The following KCNE2 variants were observed in gnomAD, a reference collection of about 807,000 sequenced individuals.
KCNE2 encodes the protein potassium voltage-gated channel subfamily E member 2.
A neutral mutation model predicts 4.5 loss-of-function variants in KCNE2; 4 were observed. The observed-to-expected ratio is 0.89, with a 90% CI of 0.44 to 2.03. The LOEUF is 2.03. Ranked by LOEUF, KCNE2 falls within the 30% of genes most tolerant of loss-of-function variation. The probability of loss-of-function intolerance (pLI) is 0.03; values close to 1 mark genes in which losing one functional copy is unlikely to be tolerated. For synonymous variants in KCNE2, 57 were observed against 55.9 expected (o/e 1.02, Z -0.09); for missense variants, 137 against 151.4 (o/e 0.90, Z 0.50).
intron 1 of KCNE2, among the ~76,000 whole-genome samples, chr21:34,370,151 T>A (rs1174282946): frequency 6.6e-6 from 1 of 152,270 alleles, no homozygotes; most frequent in African/African-American, 2.4e-5. Flanking sequence ...CTGATCTATG[T>A]ACTTCTAATA....
Position 34,368,228 on chromosome 21 carries a change from CAA to C in KCNE2, c.-12-2238_-12-2237del, listed in dbSNP as rs1491565388. On this transcript the variant is annotated intron_variant, in intron 1 of 1. Coordinates refer to ENST00000290310, the MANE Select transcript of KCNE2 (RefSeq NM_172201.2). ...ACACACACACACACACACACACACACAATATATATATATATATATATATATAT... is the reference window on the plus strand; with the variant it reads ...ACACACACACACACACACACACACACTATATATATATATATATATATATAT... 4.9e-3 allele frequency among the ~76,000 whole-genome samples: 250 copies of C among 51,148 alleles called. 2 individuals are homozygous for C. Among genetic ancestry groups the C allele is most frequent in the South Asian group, 0.039 (46 of 1,190 alleles). The allele number at this position is 51,148 out of a possible 152,430, so 33.6% of individuals were successfully genotyped here.
intron 1 of KCNE2, among the ~76,000 whole-genome samples, chr21:34,367,531 G>A (rs895958471): frequency 6.6e-6 from 1 of 152,122 alleles, no homozygotes; most frequent in African/African-American, 2.4e-5. Context: ...GGCCAGGAGA[G>A]GGAGACAAAG....
intron 1 of KCNE2, among the ~76,000 whole-genome samples, chr21:34,365,154 G>A (rs1283280944): frequency 1.3e-5 from 2 of 152,142 alleles, no homozygotes; most frequent in Admixed American, 1.3e-4. Context: ...AGCCCTCTAG[G>A]CTATAGTTAT....
rs1043992639 is a variant in KCNE2 at position 34,367,976 on chromosome 21, C to T, written c.-12-2491C>T. ...TCCATACCTGTTGCAACTCTTTGCA[C>T]GTTGCATTGTCATTGATTTGGTCTC... On this transcript the variant is annotated intron_variant, in intron 1 of 1. Coordinates refer to ENST00000290310, the MANE Select transcript of KCNE2 (RefSeq NM_172201.2). Among the ~76,000 whole-genome samples the T allele has an allele frequency of 7.2e-5, 11 of 151,968 alleles. No individual in the cohort carries two copies. The South Asian group carries it at 8.3e-4, about 11-fold the overall frequency.
intron 1 of KCNE2, among the ~76,000 whole-genome samples, chr21:34,368,229 AATAT>A (rs10596236): frequency 0.046 from 3,862 of 84,646 alleles, 125 homozygotes; most frequent in Middle Eastern, 0.091. Flanking sequence ...ACACACACAC[AATAT>A]ATATATATAT....
At position 34,368,094 on chromosome 21, in the gene KCNE2, G is replaced by A. The variant is rs368507374; in HGVS notation, c.-12-2373G>A. 8.7e-4 allele frequency among the ~76,000 whole-genome samples: 132 copies of A among 151,082 alleles called. 2 individuals are homozygous for A. In the South Asian group the frequency reaches 0.025, roughly 29 times the overall value. ...TGGCACTTTAATTCATGCATCAAATGTCCATTGAGTGCCTTCTATGTGTTA... is the reference window on the plus strand; with the variant it reads ...TGGCACTTTAATTCATGCATCAAATATCCATTGAGTGCCTTCTATGTGTTA... On this transcript the variant is annotated intron_variant, in intron 1 of 1. Transcript: ENST00000290310.
intron 1 of KCNE2, among the ~76,000 whole-genome samples, chr21:34,364,764 C>T (rs1376260109): frequency 5.9e-5 from 8 of 134,556 alleles, no homozygotes; most frequent in African/African-American, 1.6e-4. Flanking sequence ...CAGAGTGAGA[C>T]TCCATCTCAA....
Position 34,370,800 on chromosome 21 carries a change from G to T in KCNE2, c.322G>T (p.Ala108Ser). The T allele has an allele frequency of 6.2e-7, 1 of 1,614,186 alleles. No individual in the cohort carries two copies. The highest frequency in any genetic ancestry group is 8.5e-7 in the Non-Finnish European group (1 of 1,180,040). Residue 108 changes from alanine (A) to serine (S), a missense_variant, in exon 2 of 2, where the codon GCC becomes TCC. Transcript: ENST00000290310. ...SQILNLEESK[A>S]TIHENIGAAG... ...AATCTTGAATCTAGAAGAATCGAAG[G>T]CCACCATCCATGAGAACATTGGTGC...
chr21:34,370,073 T>A (rs1979511020), intron 1 of KCNE2, among the ~76,000 whole-genome samples: 1 of 152,170 alleles, frequency 6.6e-6, no homozygotes, highest in South Asian at 2.1e-4. Context: ...CTGATGAAAA[T>A]TTGGAATATG....
rs770895197 is a variant in KCNE2, at chr21:34,370,714, A to C, written c.236A>C (p.His79Pro). The change falls in exon 2 of 2, where the codon CAC becomes CCC. Residue 79 changes from histidine (H) to proline (P), a missense_variant. Physicochemically the swap from His to Pro is moderately conservative, Grantham distance 77. Coordinates refer to ENST00000290310, the MANE Select transcript of KCNE2 (RefSeq NM_172201.2). Reference protein sequence around the residue: ...VSTVKSKRREHSNDPYHQYIV... With the variant: ...VSTVKSKRREPSNDPYHQYIV... The stretch of plus-strand genomic sequence containing the variant: ...ACTGTGAAATCCAAGAGACGGGAAC[A>C]CTCCAATGACCCCTACCACCAGTAC... The C allele has an allele frequency of 6.2e-7, 1 of 1,614,122 alleles. No homozygotes were observed. Among genetic ancestry groups the C allele is most frequent in the Non-Finnish European group, 8.5e-7 (1 of 1,180,024 alleles).
rs146053586 is a variant in KCNE2 at position 34,370,649 on chromosome 21, T to G, written c.171T>G (p.Ile57Met). Residue 57 changes from isoleucine (I) to methionine (M), a missense_variant, in exon 2 of 2, where the codon ATT (isoleucine) becomes ATG (methionine). Transcript: ENST00000290310. ...YYVILYLMVM[I>M]GMFSFIIVAI... ...TCATCCTGTACCTCATGGTGATGAT[T>G]GGAATGTTCTCTTTCATCATCGTGG... 14 of 1,614,124 alleles carry G rather than the reference T, an allele frequency of 8.7e-6. No homozygotes were observed. Among genetic ancestry groups the G allele is most frequent in the African/African-American group, 1.3e-5 (1 of 74,938 alleles).
chr21:34,371,200 C>A lies in KCNE2; in HGVS notation c.*350C>A, dbSNP rs1979577532. 3.2e-6 allele frequency: 1 copy of A among 314,914 alleles called. No homozygotes were observed. Among genetic ancestry groups the A allele is most frequent in the South Asian group, 3.7e-5 (1 of 27,336 alleles). 19.5% of individuals were successfully genotyped at this position (314,914 alleles called of 1,614,324 possible). ...AGGAGAGATTTACAAATCATTGAAT[C>A]TTCTTTCTCATGAAACATCATTTGT... On this transcript the variant is annotated 3_prime_UTR_variant, in exon 2 of 2. Coordinates refer to ENST00000290310, the MANE Select transcript of KCNE2 (RefSeq NM_172201.2).
rs1370394357 is a variant in KCNE2 at position 34,368,267 on chromosome 21, T to TATATATTATA, written c.-12-2200_-12-2199insATATATTATA. On this transcript the variant is annotated intron_variant, in intron 1 of 1. Coordinates refer to ENST00000290310, the MANE Select transcript of KCNE2 (RefSeq NM_172201.2). ...ATATATATATATATATATATGTATG[T>TATATATTATA]TATATATATGTATGTTATATATATG... 4.2e-5 allele frequency among the ~76,000 whole-genome samples: 3 copies of TATATATTATA among 71,068 alleles called. No homozygotes were observed. The South Asian group carries it at 1.7e-3, about 41-fold the overall frequency. The allele number at this position is 71,068 out of a possible 152,430, so 46.6% of individuals were successfully genotyped here. A position where few individuals can be genotyped will look rare whatever the true frequency, so the allele number is the denominator to read the frequency against.
At chr21:34,368,254 ATATATATGTATGTTATATATATG>A (rs1291374394) in intron 1 of KCNE2, among the ~76,000 whole-genome samples, 10 of 104,798 alleles carry the variant, frequency 9.5e-5, no homozygotes, top group African/African-American at 4.0e-4. Flanking sequence ...ATATATATAT[ATATATATGTATGTTATATATATG>A]TATGTTATAT....
intron 1 of KCNE2, among the ~76,000 whole-genome samples, chr21:34,368,791 C>T (rs374729922): frequency 1.9e-3 from 286 of 152,166 alleles, no homozygotes; most frequent in Non-Finnish European, 3.3e-3. Flanking sequence ...ATTATTCTAG[C>T]TGGTGTGAGG....
At chr21:34,368,655 C>T (rs1212600234) in intron 1 of KCNE2, among the ~76,000 whole-genome samples, 2 of 152,076 alleles carry the variant, frequency 1.3e-5, no homozygotes, top group Admixed American at 1.3e-4. Flanking sequence ...ATGTCTAAAG[C>T]CCCACAATTC....
Position 34,370,772 on chromosome 21 carries a change from C to G in KCNE2, c.294C>G (p.Ser98Arg), listed in dbSNP as rs1196937368. The change falls in exon 2 of 2, where the codon AGC becomes AGG. Residue 98 changes from serine to arginine, a missense_variant. Coordinates refer to ENST00000290310, the MANE Select transcript of KCNE2 (RefSeq NM_172201.2). ...AGGACTGGCAGGAAAAGTACAAGAG[C>G]CAAATCTTGAATCTAGAAGAATCGA... is the stretch of plus-strand genomic sequence containing the variant. ...IVEDWQEKYK[S>R]QILNLEESKA... 1.2e-6 allele frequency: 2 copies of G among 1,614,144 alleles called. No homozygotes were observed. Among genetic ancestry groups the G allele is most frequent in the Non-Finnish European group, 1.7e-6 (2 of 1,180,016 alleles).
intron 1 of KCNE2, among the ~76,000 whole-genome samples, chr21:34,367,772 G>A (rs1183236619): frequency 6.6e-6 from 1 of 152,160 alleles, no homozygotes; most frequent in African/African-American, 2.4e-5. Context: ...ACATGCTAAA[G>A]AGACGGGCAT....
At chr21:34,367,337 A>G (rs1979354038) in intron 1 of KCNE2, among the ~76,000 whole-genome samples, 1 of 152,190 alleles carries the variant, frequency 6.6e-6, no homozygotes. Context: ...ATAAAAGGGT[A>G]AAAGAGCCAG....
Sources: gnomAD v4.1 joint callset for allele counts (sites outside exome capture counted in the v4.1 genomes callset) on GRCh38, gnomAD v4.1.1 for gene constraint, MANE v1.5 for transcripts, NCBI Gene and HGNC (gene_info 2026-07-23, HGNC 2026-07-21) for gene names.